The following KRT73 variants were observed in gnomAD, a reference collection of about 807,000 sequenced individuals.
The protein encoded by KRT73 is keratin 73.
A neutral mutation model predicts 47.2 loss-of-function variants in KRT73; 44 were observed. The observed-to-expected ratio is 0.93, with a 90% CI of 0.73 to 1.20. The LOEUF (loss-of-function observed/expected upper bound fraction) is 1.20. Among genes scored for constraint, KRT73 ranks in the 50% most tolerant of loss-of-function variants. The pLI is 0.00. For missense variants in KRT73, 713 were observed against 704.5 expected (o/e 1.01, Z -0.14); for synonymous variants, 285 against 291.3 (o/e 0.98, Z 0.22).
In KRT73 at chr12:52,608,221, G is replaced by A. The variant is rs1247099043; in HGVS notation, c.1598C>T (p.Ser533Leu). Residue 533 changes from serine to leucine, a missense_variant, in exon 9 of 9, where the codon TCA becomes TTA. Coordinates refer to ENST00000305748, the MANE Select transcript of KRT73 (RefSeq NM_175068.3). ...TTATCTCATGGTTTTTTTGGTGGGT[G>A]AGCTTAGAGCTAAGGTCTTTCCCTG... ...DSQGKTLALS[S>L]PTKKTMR 1.2e-6 allele frequency: 2 copies of A among 1,611,788 alleles called. No individual in the cohort carries two copies. The highest frequency in any genetic ancestry group is 1.3e-5 in the African/African-American group (1 of 74,774).
intron 4 of KRT73, 104 bp downstream of exon 4, chr12:52,614,475 G>A (rs1399788423): frequency 9.7e-6 from 9 of 923,796 alleles, no homozygotes; most frequent in Non-Finnish European, 9.6e-6. Flanking sequence ...CCCCAATGCT[G>A]GAGGTGCCCT....
At chr12:52,617,956 G>A in intron 1 of KRT73, 122 bp downstream of exon 1, 2 of 1,140,590 alleles carry the variant, frequency 1.8e-6, no homozygotes, top group Non-Finnish European at 2.5e-6. Flanking sequence ...CCTGGTGTCT[G>A]ATTTTGCTGG....
At chr12:52,628,258 C>T in the KRT73 span, among the ~76,000 whole-genome samples, 1 of 152,056 alleles carries the variant, frequency 6.6e-6, no homozygotes, top group Non-Finnish European at 1.5e-5. Flanking sequence ...TATACTCATT[C>T]CGGCAGAAGG....
At position 52,613,743 on chromosome 12, in the gene KRT73, T is replaced by C; in HGVS notation, c.929A>G (p.Tyr310Cys). The change falls in exon 5 of 9, where the codon TAT becomes TGT. Residue 310 changes from tyrosine (Y) to cysteine (C), a missense_variant. Coordinates refer to ENST00000305748, the MANE Select transcript of KRT73 (RefSeq NM_175068.3). ...DSIIAEVRAQYEEIARKSKAE... is the reference protein window; with the variant it reads ...DSIIAEVRAQCEEIARKSKAE... ...CTTGCTCTTCCGGGCGATCTCCTCA[T>C]ACTGGGCACGGACCTCAGCAATGAT... is the stretch of plus-strand genomic sequence containing the variant. 5 of 1,612,774 alleles carry C rather than the reference T, an allele frequency of 3.1e-6. No homozygotes were observed. The highest frequency in any genetic ancestry group is 4.2e-6 in the Non-Finnish European group (5 of 1,179,182).
rs958191000 is a variant in KRT73 at position 52,616,819 on chromosome 12, G to A, written c.448-439C>T. ...CTGCCTAGTCTCTCCCTCCTTGTGC[G>A]TGGGCTCTCCCAGCCCAGCCAGAGG... On this transcript the variant is annotated intron_variant, in intron 1 of 8. Transcript: ENST00000305748. Among the ~76,000 whole-genome samples the A allele has an allele frequency of 2.6e-5, 4 of 152,120 alleles. No homozygotes were observed. The East Asian group carries it at 5.8e-4, about 22-fold the overall frequency.
chr12:52,627,597 A>C, the KRT73 span, among the ~76,000 whole-genome samples: 1 of 152,096 alleles, frequency 6.6e-6, no homozygotes, highest in African/African-American at 2.4e-5. Context: ...CTTGTGACCC[A>C]AGCCCCCAGG....
At chr12:52,618,704 A>G, upstream of KRT73, 1 of 629,702 alleles carries the variant, frequency 1.6e-6, no homozygotes, top group Non-Finnish European at 2.7e-6. Context: ...GACACCAGGT[A>G]AATGACTTGA....
At chr12:52,614,886 T>C in intron 3 of KRT73, 2 of 557,078 alleles carry the variant, frequency 3.6e-6, no homozygotes, top group Non-Finnish European at 6.4e-6. Context: ...CTTCTGCCTC[T>C]ATTTCTCAGA....
At chr12:52,615,073 A>T in intron 3 of KRT73, 2 of 544,062 alleles carry the variant, frequency 3.7e-6, no homozygotes, top group Non-Finnish European at 3.3e-6. Context: ...GACTATCCAC[A>T]TCTAGGTTCC....
At chr12:52,616,470 A>G (rs1940816772) in intron 1 of KRT73, 90 bp from the exon 2 acceptor site, 2 of 1,501,354 alleles carry the variant, frequency 1.3e-6, no homozygotes, top group Non-Finnish European at 9.1e-7. Context: ...CTTATGCTAC[A>G]TTAGCTTTAA....
In KRT73 at chr12:52,614,581, C is replaced by T; in HGVS notation, c.817G>A (p.Gly273Arg). Residue 273 changes from glycine to arginine, a missense_variant and splice_region_variant, in exon 4 of 9, where the codon GGG becomes AGG. Coordinates refer to ENST00000305748, the MANE Select transcript of KRT73 (RefSeq NM_175068.3). ...AGGTGGGGCAGGGGGAGCCTTACCCCCTCGTACAGACACTTGAAGAACTTG... is the reference window on the plus strand; with the variant it reads ...AGGTGGGGCAGGGGGAGCCTTACCCTCTCGTACAGACACTTGAAGAACTTG... ...EIKFFKCLYEGETAQIQSHIS... is the reference protein window; with the variant it reads ...EIKFFKCLYERETAQIQSHIS... 6.2e-7 allele frequency: 1 copy of T among 1,613,296 alleles called. No homozygotes were observed. Among genetic ancestry groups the T allele is most frequent in the Non-Finnish European group, 8.5e-7 (1 of 1,179,512 alleles).
rs1035160993 is a variant in KRT73, at chr12:52,611,073, G to A, written c.1110+131C>T. 5.0e-6 allele frequency: 6 copies of A among 1,194,068 alleles called. No homozygotes were observed. In the African/African-American group the frequency reaches 9.1e-5, roughly 18 times the overall value. 74.0% of individuals were successfully genotyped at this position (1,194,068 alleles called of 1,614,324 possible). A position where few individuals can be genotyped will look rare whatever the true frequency, so the allele number is the denominator to read the frequency against. On this transcript the variant is annotated intron_variant, in intron 6 of 8. Coordinates refer to ENST00000305748, the MANE Select transcript of KRT73 (RefSeq NM_175068.3). ...ACTTCAGATGGGAGCTAAGGGTGAG[G>A]GATGAGAGCAGGACCTCCATTTGAA...
At position 52,614,654 on chromosome 12, in the gene KRT73, C is replaced by T. The variant is rs200184872; in HGVS notation, c.744G>A (p.Thr248=). Residue 248 remains threonine, a synonymous_variant, in exon 4 of 9, where the codon ACG becomes ACA. Transcript: ENST00000305748. ...VLKKDVDAAY[T]SKVELQAKVD... Reference sequence around the variant, plus strand: ...CCTTGGCCTGCAGCTCCACTTTGCTCGTGTAAGCTGCGTCCACGTCCTATG... The same window carrying T: ...CCTTGGCCTGCAGCTCCACTTTGCTTGTGTAAGCTGCGTCCACGTCCTATG... The T allele has an allele frequency of 1.6e-5, 26 of 1,613,722 alleles. No individual in the cohort carries two copies. Among genetic ancestry groups the T allele is most frequent in the East Asian group, 2.2e-5 (1 of 44,882 alleles).
At chr12:52,612,153 T>C (rs1446503569) in intron 5 of KRT73, among the ~76,000 whole-genome samples, 1 of 152,218 alleles carries the variant, frequency 6.6e-6, no homozygotes, top group Non-Finnish European at 1.5e-5. Flanking sequence ...CTCCCTTTGA[T>C]ACCTTAGCTG....
Position 52,608,140 on chromosome 12 carries a change from C to T in KRT73, c.*56G>A. Reference sequence around the variant, plus strand: ...AGACAGAGGAATTTCCTAGAAGAGTCCGGAGCAGTCTGCCAGGGCAAGGCA... The same window carrying T: ...AGACAGAGGAATTTCCTAGAAGAGTTCGGAGCAGTCTGCCAGGGCAAGGCA... On this transcript the variant is annotated 3_prime_UTR_variant, in exon 9 of 9. Coordinates refer to ENST00000305748, the MANE Select transcript of KRT73 (RefSeq NM_175068.3). 1 of 1,550,186 alleles carries T rather than the reference C, an allele frequency of 6.5e-7. No homozygotes were observed. The highest frequency in any genetic ancestry group is 8.7e-7 in the Non-Finnish European group (1 of 1,143,544).
At chr12:52,614,747 CT>C (rs1682148310) in intron 3 of KRT73, 73 bp from the exon 4 acceptor site, 1 of 1,211,060 alleles carries the variant, frequency 8.3e-7, no homozygotes, top group Admixed American at 2.2e-5. Context: ...GAACTGACAC[CT>C]GCAGGCCCTG....
the KRT73 span, among the ~76,000 whole-genome samples, chr12:52,628,579 T>G: frequency 6.6e-6 from 1 of 152,192 alleles, no homozygotes; most frequent in African/African-American, 2.4e-5. Context: ...TGAGAATTGA[T>G]AGTAATCATG....
At chr12:52,614,371 G>A (rs1381168317) in intron 4 of KRT73, 1 of 504,306 alleles carries the variant, frequency 2.0e-6, no homozygotes, top group Admixed American at 3.7e-5. Flanking sequence ...TTTCCTGGAG[G>A]AAGTGAAAGC....
At chr12:52,610,529 G>GACC in intron 7 of KRT73, 86 bp downstream of exon 7, 1 of 295,156 alleles carries the variant, frequency 3.4e-6, no homozygotes, top group Non-Finnish European at 6.8e-6. Flanking sequence ...CCAGCTCGCC[G>GACC]CCCCCTCCCC....
Sources: gnomAD v4.1 joint callset for allele counts (sites outside exome capture counted in the v4.1 genomes callset) on GRCh38, gnomAD v4.1.1 for gene constraint, MANE v1.5 for transcripts, NCBI Gene and HGNC (gene_info 2026-07-23, HGNC 2026-07-21) for gene names.